Variants in PPP1R14C observed in about 807,000 individuals in gnomAD.
The protein encoded by PPP1R14C is protein phosphatase 1 regulatory subunit 14C.
Under a neutral mutation model 20.4 loss-of-function variants are expected in PPP1R14C, and 16 were observed. The observed-to-expected ratio is 0.78, with a 90% CI of 0.53 to 1.19. The LOEUF is 1.19. PPP1R14C is among the 50% of genes most tolerant of loss of function. The probability of loss-of-function intolerance (pLI) is 0.00; values close to 1 mark genes in which losing one functional copy is unlikely to be tolerated. For synonymous variants in PPP1R14C, 91 were observed against 91.0 expected (o/e 1.00, Z 0.00); for missense variants, 211 against 220.1 (o/e 0.96, Z 0.26).
chr6:150,228,979 C>CT (rs1778261660), intron 3 of PPP1R14C, among the ~76,000 whole-genome samples: 2 of 152,020 alleles, frequency 1.3e-5, no homozygotes, highest in African/African-American at 4.8e-5. Context: ...GCAGTGGACC[C>CT]GATTAGCATT....
chr6:150,235,110 C>T lies in PPP1R14C; in HGVS notation c.424-13636C>T, dbSNP rs116361272. Among the ~76,000 whole-genome samples the T allele has an allele frequency of 6.4e-3, 970 of 152,252 alleles. 11 individuals carry two copies. The highest frequency in any genetic ancestry group is 0.023 in the African/African-American group (941 of 41,548). Reference sequence around the variant, plus strand: ...TTTTTCTTTGTTGTGTTTTAATAGGCAGGATCTCATTTTGTTGTCCATGCT... The same window carrying T: ...TTTTTCTTTGTTGTGTTTTAATAGGTAGGATCTCATTTTGTTGTCCATGCT... On this transcript the variant is annotated intron_variant, in intron 3 of 3. Coordinates refer to ENST00000361131, the MANE Select transcript of PPP1R14C (RefSeq NM_030949.3).
chr6:150,188,934 C>T (rs1296542195), intron 1 of PPP1R14C, among the ~76,000 whole-genome samples: 1 of 151,984 alleles, frequency 6.6e-6, no homozygotes, highest in Non-Finnish European at 1.5e-5. Context: ...TCTCGGCTCA[C>T]TGCAACCTCT....
intron 2 of PPP1R14C, among the ~76,000 whole-genome samples, 192 bp downstream of exon 2, chr6:150,215,019 G>T (rs946013083): frequency 2.6e-5 from 4 of 152,198 alleles, no homozygotes; most frequent in Non-Finnish European, 5.9e-5. Flanking sequence ...GGATAAAGCA[G>T]CCCTTGACTA....
At chr6:150,217,443 C>T (rs945892022) in intron 3 of PPP1R14C, among the ~76,000 whole-genome samples, 2 of 152,120 alleles carry the variant, frequency 1.3e-5, no homozygotes, top group African/African-American at 4.8e-5. Flanking sequence ...TATTCACCCG[C>T]CTCGGCCTCC....
At chr6:150,210,853 A>G (rs1778015874) in intron 1 of PPP1R14C, among the ~76,000 whole-genome samples, 1 of 152,112 alleles carries the variant, frequency 6.6e-6, no homozygotes, top group South Asian at 2.1e-4. Context: ...ACTCTACTGT[A>G]TAGCCCCTCA....
At chr6:150,221,418 T>C (rs1439454993) in intron 3 of PPP1R14C, among the ~76,000 whole-genome samples, 1 of 152,218 alleles carries the variant, frequency 6.6e-6, no homozygotes, top group Non-Finnish European at 1.5e-5. Context: ...TTATAGGACT[T>C]TGCCCTGTCT....
chr6:150,191,364 C>T (rs748364934), intron 1 of PPP1R14C, among the ~76,000 whole-genome samples: 1 of 152,230 alleles, frequency 6.6e-6, no homozygotes, highest in Non-Finnish European at 1.5e-5. Context: ...TTCCCAGCAT[C>T]TGGAACAATG....
At chr6:150,184,006 G>A (rs1050141664) in intron 1 of PPP1R14C, among the ~76,000 whole-genome samples, 1 of 152,222 alleles carries the variant, frequency 6.6e-6, no homozygotes, top group African/African-American at 2.4e-5. Context: ...GATGGTAGGT[G>A]AGTGATTCTT....
intron 3 of PPP1R14C, among the ~76,000 whole-genome samples, chr6:150,248,154 G>A (rs1292024976): frequency 2.0e-5 from 3 of 151,986 alleles, no homozygotes; most frequent in East Asian, 1.9e-4. Context: ...TATCTAATCC[G>A]AACTACCTCC....
At chr6:150,173,682 A>T (rs7772753) in intron 1 of PPP1R14C, among the ~76,000 whole-genome samples, 121,126 of 152,066 alleles carry the variant, frequency 0.8, 49,081 homozygotes, top group African/African-American at 0.94. Flanking sequence ...GTGTTTTCCT[A>T]ACGTGCTTTA....
At chr6:150,158,055 C>A (rs1441559989) in intron 1 of PPP1R14C, among the ~76,000 whole-genome samples, 4 of 152,182 alleles carry the variant, frequency 2.6e-5, no homozygotes, top group Non-Finnish European at 4.4e-5. Context: ...CACTACCTAC[C>A]TTTATTAAGA....
At chr6:150,221,737 A>T (rs965233540) in intron 3 of PPP1R14C, among the ~76,000 whole-genome samples, 2 of 152,220 alleles carry the variant, frequency 1.3e-5, no homozygotes, top group African/African-American at 4.8e-5. Context: ...AATGGAGGTA[A>T]TAATAACCAT....
At chr6:150,157,990 C>T (rs1434495908) in intron 1 of PPP1R14C, among the ~76,000 whole-genome samples, 1 of 152,218 alleles carries the variant, frequency 6.6e-6, no homozygotes, top group Non-Finnish European at 1.5e-5. Context: ...GACCCTCCCA[C>T]CTTCCTGGGC....
intron 3 of PPP1R14C, among the ~76,000 whole-genome samples, chr6:150,224,208 T>G (rs1778203577): frequency 6.6e-6 from 1 of 152,246 alleles, no homozygotes; most frequent in African/African-American, 2.4e-5. Context: ...TATCTACGTG[T>G]CCATTCTTTC....
chr6:150,174,965 CA>C (rs34296938), intron 1 of PPP1R14C, among the ~76,000 whole-genome samples: 28,543 of 120,756 alleles, frequency 0.24, 2,940 homozygotes, highest in South Asian at 0.36. Flanking sequence ...GATTCTGTCT[CA>C]AAAAAAAAAA....
At chr6:150,223,982 C>T (rs1292055037) in intron 3 of PPP1R14C, among the ~76,000 whole-genome samples, 3 of 152,150 alleles carry the variant, frequency 2.0e-5, no homozygotes, top group African/African-American at 7.2e-5. Context: ...TATAGTTTTG[C>T]ACTTTACATT....
chr6:150,221,944 A>G (rs9384251), intron 3 of PPP1R14C, among the ~76,000 whole-genome samples: 31,469 of 152,036 alleles, frequency 0.21, 3,817 homozygotes, highest in African/African-American at 0.33. Flanking sequence ...GACAACAGGT[A>G]CACACCACCA....
intron 1 of PPP1R14C, among the ~76,000 whole-genome samples, chr6:150,192,433 G>C (rs938087985): frequency 6.6e-6 from 1 of 152,138 alleles, no homozygotes; most frequent in Non-Finnish European, 1.5e-5. Flanking sequence ...TTCACAATAG[G>C]GTTTGCACTC....
intron 3 of PPP1R14C, among the ~76,000 whole-genome samples, chr6:150,220,849 G>A (rs1275961398): frequency 1.3e-5 from 2 of 152,186 alleles, no homozygotes; most frequent in Non-Finnish European, 2.9e-5. Flanking sequence ...CAATGAAAAT[G>A]GTGGGTCTTG....
Sources: gnomAD v4.1 joint callset for allele counts (sites outside exome capture counted in the v4.1 genomes callset) on GRCh38, gnomAD v4.1.1 for gene constraint, MANE v1.5 for transcripts, NCBI Gene and HGNC (gene_info 2026-07-23, HGNC 2026-07-21) for gene names.